Variants in NRL observed in about 807,000 individuals in gnomAD.
NRL encodes the protein neural retina-specific leucine zipper protein.
NRL carries 16 observed loss-of-function variants against 12.5 expected under a neutral mutation model. The ratio of observed to expected loss-of-function variants is 1.28; its 90% CI spans 0.87 to 1.95. The LOEUF is 1.95. Among genes scored for constraint, NRL ranks in the 30% most tolerant of loss-of-function variants. The pLI is 0.00. For missense variants in NRL, 314 were observed against 325.8 expected (o/e 0.96, Z 0.28); for synonymous variants, 142 against 150.9 (o/e 0.94, Z 0.43).
Position 24,079,387 on chromosome 14 carries a change from C to T in NRL, c.*1849G>A, listed in dbSNP as rs1389328841. 1.3e-5 allele frequency among the ~76,000 whole-genome samples: 2 copies of T among 152,198 alleles called. No homozygotes were observed. The highest frequency in any genetic ancestry group is 4.8e-5 in the African/African-American group (2 of 41,442). ...GGACCCTCCCTGCCCCATCCTCTCC[C>T]TTCAACAATGAGTGTGGAAGGGGAT... On this transcript the variant is annotated 3_prime_UTR_variant, in exon 3 of 3. Transcript: ENST00000561028.
chr14:24,109,164 G>A (rs1437547363), intron 1 of NRL, among the ~76,000 whole-genome samples: 3 of 152,102 alleles, frequency 2.0e-5, no homozygotes, highest in African/African-American at 4.8e-5. Flanking sequence ...GAGAGTAGAG[G>A]TTACCCAAAT....
chr14:24,091,699 G>A (rs2036636327), intron 1 of NRL, among the ~76,000 whole-genome samples: 1 of 151,924 alleles, frequency 6.6e-6, no homozygotes, highest in Admixed American at 6.6e-5. Context: ...GTGACTTTGA[G>A]CAAATGACTC....
chr14:24,108,890 T>C (rs2037378019), intron 1 of NRL, among the ~76,000 whole-genome samples: 1 of 152,206 alleles, frequency 6.6e-6, no homozygotes, highest in African/African-American at 2.4e-5. Flanking sequence ...CCAGGAGCTC[T>C]GTGTGGTCAC....
intron 1 of NRL, among the ~76,000 whole-genome samples, chr14:24,107,361 TCTAA>T (rs1205916608): frequency 1.3e-5 from 2 of 152,050 alleles, no homozygotes. Context: ...CAGAAGACCA[TCTAA>T]AACAAAGTTA....
chr14:24,114,858 C>G lies in NRL; in HGVS notation c.-164G>C, dbSNP rs2037503196. On this transcript the variant is annotated 5_prime_UTR_variant, in exon 1 of 3. Coordinates refer to ENST00000561028, the MANE Select transcript of NRL (RefSeq NM_001354768.3). ...GCGTGACGGAGGAGCGGTTGGCCAA[C>G]GCAGTGGCGGCAGTCGGTGTAAACA... The G allele has an allele frequency of 1.0e-6, 1 of 985,930 alleles. No homozygotes were observed. Among genetic ancestry groups the G allele is most frequent in the Non-Finnish European group, 1.2e-6 (1 of 829,958 alleles). The allele number at this position is 985,930 out of a possible 1,614,324, so 61.1% of individuals were successfully genotyped here.
chr14:24,083,507 T>C (rs1292853941), intron 1 of NRL, among the ~76,000 whole-genome samples: 2 of 152,164 alleles, frequency 1.3e-5, no homozygotes, highest in African/African-American at 4.8e-5. Context: ...TCTAGAAAGA[T>C]CAGAATCAAC....
At chr14:24,111,141 C>A (rs531273168) in intron 1 of NRL, among the ~76,000 whole-genome samples, 16 of 152,074 alleles carry the variant, frequency 1.1e-4, no homozygotes, top group Admixed American at 1.0e-3. Flanking sequence ...CCACGATGGC[C>A]GGCTATTTTT....
intron 1 of NRL, among the ~76,000 whole-genome samples, chr14:24,101,740 G>A (rs2037169123): frequency 6.6e-6 from 1 of 151,918 alleles, no homozygotes; most frequent in Non-Finnish European, 1.5e-5. Context: ...CTGGCAACAT[G>A]GCAAAACCCC....
chr14:24,089,400 C>G (rs897099124), intron 1 of NRL, among the ~76,000 whole-genome samples: 4 of 152,094 alleles, frequency 2.6e-5, no homozygotes, highest in African/African-American at 7.2e-5. Flanking sequence ...GTGCACACCA[C>G]CATGCCTGGC....
intron 2 of NRL, 121 bp downstream of exon 2, chr14:24,082,347 C>G: frequency 7.9e-7 from 1 of 1,268,744 alleles, no homozygotes; most frequent in South Asian, 1.3e-5. Context: ...ACCTTCTCCC[C>G]TTCTCCTGCC....
rs965430964 is a variant in NRL at position 24,094,975 on chromosome 14, T to A, written c.-27-12100A>T. The A allele has an allele frequency of 1.8e-5, 13 of 718,358 alleles. No homozygotes were observed. The highest frequency in any genetic ancestry group is 7.7e-5 in the South Asian group (5 of 64,922). 44.5% of individuals were successfully genotyped at this position (718,358 alleles called of 1,614,324 possible). On this transcript the variant is annotated intron_variant, in intron 1 of 2. Coordinates refer to ENST00000561028, the MANE Select transcript of NRL (RefSeq NM_001354768.3). This position sits in a 1 kb window ranked among gnomAD's most constrained non-coding sequence, Gnocchi z 4.1. ...GAAGTCCAGAGCAGCCCGAGGGACC[T>A]GGGCCCAGGGGAGGGAGGCAAGCAA...
chr14:24,082,111 C>T (rs1427739894), intron 2 of NRL: 4 of 1,237,448 alleles, frequency 3.2e-6, no homozygotes, highest in Non-Finnish European at 4.1e-6. Flanking sequence ...CTAAACCAGT[C>T]TTAACCCAGC....
In NRL at chr14:24,081,350, C is replaced by T; in HGVS notation, c.600G>A (p.Ala200=). ...CCAGGCGGGCCACCTCGGCCCGCAG[C>T]GCGTCCAGCTGGGCGGCCAGGCGGG... ...ERARLAAQLD[A]LRAEVARLAR... The change falls in exon 3 of 3, where the codon GCG becomes GCA. Residue 200 remains alanine, a synonymous_variant. Transcript: ENST00000561028. The surrounding 1 kb of genome is among the most constrained non-coding windows in gnomAD (Gnocchi z 4.4). 3 of 1,463,180 alleles carry T rather than the reference C, an allele frequency of 2.1e-6. No homozygotes were observed. The highest frequency in any genetic ancestry group is 2.7e-6 in the Non-Finnish European group (3 of 1,105,854). 90.6% of individuals were successfully genotyped at this position (1,463,180 alleles called of 1,614,324 possible).
At chr14:24,098,676 A>C in intron 1 of NRL, 2 of 1,613,318 alleles carry the variant, frequency 1.2e-6, no homozygotes, top group Non-Finnish European at 1.7e-6. Flanking sequence ...CTGACAGGAC[A>C]AGGTAAGCAC....
At chr14:24,091,961 G>A (rs1566567463) in intron 1 of NRL, among the ~76,000 whole-genome samples, 1 of 152,060 alleles carries the variant, frequency 6.6e-6, no homozygotes, top group Non-Finnish European at 1.5e-5. Flanking sequence ...GTTATATGTT[G>A]GCATACTTCT....
intron 1 of NRL, among the ~76,000 whole-genome samples, chr14:24,113,684 A>C (rs2037464533): frequency 6.6e-6 from 1 of 152,248 alleles, no homozygotes; most frequent in African/African-American, 2.4e-5. Flanking sequence ...CTAAGCGCAG[A>C]GGCCATCAAA....
chr14:24,090,813 T>C lies in NRL; in HGVS notation c.-27-7938A>G, dbSNP rs560346345. The stretch of plus-strand genomic sequence containing the variant: ...AGGGGAAATGAGCAGTGCAAGGAAA[T>C]CTGCACGTGAGCCCCTTGCTCCATC... On this transcript the variant is annotated intron_variant, in intron 1 of 2. Coordinates refer to ENST00000561028, the MANE Select transcript of NRL (RefSeq NM_001354768.3). 2.0e-4 allele frequency among the ~76,000 whole-genome samples: 31 copies of C among 152,284 alleles called. 1 individual carries two copies. Among genetic ancestry groups the C allele is most frequent in the African/African-American group, 6.3e-4 (26 of 41,540 alleles).
At chr14:24,104,543 G>T (rs1405691330) in intron 1 of NRL, among the ~76,000 whole-genome samples, 1 of 151,472 alleles carries the variant, frequency 6.6e-6, no homozygotes, top group African/African-American at 2.4e-5. Flanking sequence ...GGAAGCTGAG[G>T]CAGGAGAATG....
chr14:24,091,116 G>A (rs1305648522), intron 1 of NRL, among the ~76,000 whole-genome samples: 1 of 132,454 alleles, frequency 7.5e-6, no homozygotes, highest in Admixed American at 8.1e-5. Context: ...GAACAGAAAA[G>A]GCCTGTGTGT....
Sources: gnomAD v4.1 joint callset for allele counts (sites outside exome capture counted in the v4.1 genomes callset) on GRCh38, gnomAD v4.1.1 for gene constraint, Gnocchi (gnomAD v3.1) non-coding constraint, MANE v1.5 for transcripts, NCBI Gene and HGNC (gene_info 2026-07-23, HGNC 2026-07-21) for gene names.